WDR7: variants seen among roughly 807,000 people sequenced by gnomAD.
WDR7 encodes WD repeat-containing protein 7.
Under a neutral mutation model 169.4 loss-of-function variants are expected in WDR7, and 46 were observed. The observed-to-expected ratio is 0.27, with a 90% CI of 0.21 to 0.35. The LOEUF is 0.35. Ranked by LOEUF, WDR7 falls within the 10% of genes least tolerant of loss-of-function variation. The pLI is 1.00. For missense variants in WDR7, 1,534 were observed against 1,859.3 expected, an observed-to-expected ratio of 0.83 and a Z score of 3.22; for synonymous variants, 612 against 666.8, an observed-to-expected ratio of 0.92 and a Z score of 1.27.
chr18:56,770,660 T>G (rs771197707), intron 16 of WDR7, among the ~76,000 whole-genome samples: 6 of 152,190 alleles, frequency 3.9e-5, no homozygotes, highest in Non-Finnish European at 7.4e-5. Context: ...AGCACCTTCA[T>G]GTGTTGTCTT....
chr18:56,787,117 A>G (rs1178646074), intron 19 of WDR7, among the ~76,000 whole-genome samples: 2 of 152,062 alleles, frequency 1.3e-5, no homozygotes, highest in African/African-American at 4.8e-5. Flanking sequence ...TACTTGTAGC[A>G]TTTTGAGAAT....
chr18:56,838,533 G>A (rs1052827400), intron 20 of WDR7, among the ~76,000 whole-genome samples: 3 of 152,022 alleles, frequency 2.0e-5, no homozygotes, highest in Admixed American at 6.6e-5. Context: ...TTGATCCTGG[G>A]ACACCCAAGA....
At chr18:56,783,110 G>A (rs1037068759) in intron 19 of WDR7, among the ~76,000 whole-genome samples, 30 of 151,480 alleles carry the variant, frequency 2.0e-4, no homozygotes, top group Non-Finnish European at 4.3e-4. Flanking sequence ...AGTGAATATA[G>A]GTTATCATTT....
At chr18:56,991,142 C>CCTTTTT (rs1599225543) in intron 26 of WDR7, among the ~76,000 whole-genome samples, 2 of 74,020 alleles carry the variant, frequency 2.7e-5, no homozygotes, top group Non-Finnish European at 5.9e-5. Flanking sequence ...ACCTTCTCCT[C>CCTTTTT]ATTTTTTTTT....
chr18:56,922,453 A>T (rs2046740716), intron 21 of WDR7, among the ~76,000 whole-genome samples: 1 of 152,164 alleles, frequency 6.6e-6, no homozygotes, highest in Non-Finnish European at 1.5e-5. Context: ...TTTTTAAAGG[A>T]GTTTAATATT....
intron 21 of WDR7, among the ~76,000 whole-genome samples, chr18:56,920,737 A>G (rs2046705595): frequency 2.0e-5 from 3 of 152,222 alleles, no homozygotes. Flanking sequence ...ATTCTATCTT[A>G]TACAGATTAA....
intron 12 of WDR7, among the ~76,000 whole-genome samples, chr18:56,707,357 C>T (rs1443160227): frequency 1.3e-5 from 2 of 151,872 alleles, no homozygotes; most frequent in Non-Finnish European, 2.9e-5. Flanking sequence ...CAACTATGGC[C>T]AGGTGGTTTT....
chr18:56,801,368 G>A (rs143247059), intron 19 of WDR7, among the ~76,000 whole-genome samples: 2 of 152,110 alleles, frequency 1.3e-5, no homozygotes, highest in Admixed American at 6.5e-5. Flanking sequence ...TACACCTTCA[G>A]TGAGGTTATG....
chr18:56,722,545 G>A (rs1270358945), intron 13 of WDR7, among the ~76,000 whole-genome samples: 1 of 152,168 alleles, frequency 6.6e-6, no homozygotes, highest in Non-Finnish European at 1.5e-5. Context: ...AAGACACAGA[G>A]AATGAATGGG....
At chr18:56,711,811 A>C (rs2026092137) in intron 12 of WDR7, among the ~76,000 whole-genome samples, 1 of 152,052 alleles carries the variant, frequency 6.6e-6, no homozygotes, top group Non-Finnish European at 1.5e-5. Flanking sequence ...TTTCCCCTTC[A>C]GGTAGAATAT....
At chr18:56,851,789 C>T (rs556350437) in intron 20 of WDR7, among the ~76,000 whole-genome samples, 127 of 152,298 alleles carry the variant, frequency 8.3e-4, no homozygotes, top group Middle Eastern at 3.4e-3. Flanking sequence ...TCTTTTGGTA[C>T]AGTATTAAAG....
chr18:57,019,030 A>G (rs747928861), intron 26 of WDR7, among the ~76,000 whole-genome samples: 6 of 152,338 alleles, frequency 3.9e-5, no homozygotes, highest in South Asian at 2.1e-4. Context: ...ATGGGCCAGC[A>G]TCATGAGTAA....
chr18:56,656,754 AT>A (rs1303790526), intron 1 of WDR7, among the ~76,000 whole-genome samples: 2 of 152,062 alleles, frequency 1.3e-5, no homozygotes, highest in African/African-American at 4.8e-5. Flanking sequence ...TTTCCTATGT[AT>A]TTTAGAGTTA....
intron 19 of WDR7, among the ~76,000 whole-genome samples, chr18:56,790,843 A>G (rs1401922597): frequency 6.6e-6 from 1 of 152,036 alleles, no homozygotes; most frequent in Non-Finnish European, 1.5e-5. Context: ...CACCTCTAGT[A>G]CACAAACATA....
intron 2 of WDR7, among the ~76,000 whole-genome samples, chr18:56,675,447 A>G (rs1409190539): frequency 6.6e-6 from 1 of 152,022 alleles, no homozygotes; most frequent in Non-Finnish European, 1.5e-5. Flanking sequence ...AATTTATTTC[A>G]AAGAATTTTA....
chr18:56,880,160 A>G lies in WDR7; in HGVS notation c.3521A>G (p.His1174Arg), dbSNP rs2046085309. ...SGGSNYSLAR[H>R]TCKALTFLLL... ...GGATCCAACTACTCGCTGGCCAGAC[A>G]TACTTGTAAGTTTTAAAACTTCTAA... is the stretch of plus-strand genomic sequence containing the variant. The change falls in exon 21 of 28, where the codon CAT (histidine) becomes CGT (arginine). Residue 1174 changes from histidine to arginine, a missense_variant. By Grantham distance (29) the His-to-Arg change is conservative. Transcript: ENST00000254442. 3 of 1,613,210 alleles carry G rather than the reference A, an allele frequency of 1.9e-6. No individual in the cohort carries two copies. Among genetic ancestry groups the G allele is most frequent in the African/African-American group, 2.7e-5 (2 of 74,890 alleles).
intron 12 of WDR7, among the ~76,000 whole-genome samples, chr18:56,717,420 A>C (rs1006872064): frequency 2.6e-5 from 4 of 152,198 alleles, no homozygotes; most frequent in African/African-American, 9.6e-5. Context: ...ATAGATAGAA[A>C]CCATGAAGGA....
intron 13 of WDR7, among the ~76,000 whole-genome samples, chr18:56,720,409 A>G (rs973499308): frequency 5.3e-5 from 8 of 152,124 alleles, no homozygotes; most frequent in African/African-American, 1.9e-4. Flanking sequence ...TGATTGCACC[A>G]CTGCACCCCA....
chr18:56,775,935 A>G (rs936637575), intron 16 of WDR7, among the ~76,000 whole-genome samples: 1 of 152,224 alleles, frequency 6.6e-6, no homozygotes, highest in Non-Finnish European at 1.5e-5. Context: ...ATGCTTGTGC[A>G]TGACATATGG....
Sources: allele counts gnomAD v4.1 joint callset (sites outside exome capture counted in the v4.1 genomes callset), GRCh38; gene constraint gnomAD v4.1.1; transcripts MANE v1.5; gene names NCBI Gene and HGNC (gene_info 2026-07-23, HGNC 2026-07-21).